PTPRD: variants seen among roughly 807,000 people sequenced by gnomAD.
PTPRD encodes protein tyrosine phosphatase receptor type D.
In PTPRD, 34 loss-of-function variants were observed where a neutral mutation model predicts 214.5. The observed-to-expected ratio is 0.16, with a 90% CI of 0.12 to 0.21. The LOEUF is 0.21. PTPRD is among the 10% of genes least tolerant of loss of function. PTPRD has a pLI of 1.00. For missense variants in PTPRD, 2,545 were observed against 2,398.7 expected (o/e 1.06, Z -1.27); for synonymous variants, 1,128 against 845.7 (o/e 1.33, Z -5.79).
chr9:9,671,834 C>A (rs1477276602), intron 7 of PTPRD, among the ~76,000 whole-genome samples: 1 of 152,142 alleles, frequency 6.6e-6, no homozygotes, highest in Non-Finnish European at 1.5e-5. Context: ...TTTTTCTTCC[C>A]AGTCTCAGGT....
At position 9,199,567 on chromosome 9, in the gene PTPRD, G is replaced by A. The variant is rs114250209; in HGVS notation, c.-202-16204C>T. On this transcript the variant is annotated intron_variant, in intron 9 of 45. Coordinates refer to ENST00000381196, the MANE Select transcript of PTPRD (RefSeq NM_002839.4). ...TGAGAACTGATAAAAGTGTTATAAA[G>A]GAAACCAAGATCAATTTAAACCTAG... 6.4e-3 allele frequency among the ~76,000 whole-genome samples: 975 copies of A among 152,066 alleles called. 11 individuals are homozygous for A. Among genetic ancestry groups the A allele is most frequent in the African/African-American group, 0.022 (906 of 41,498 alleles).
intron 5 of PTPRD, among the ~76,000 whole-genome samples, chr9:9,874,212 C>A (rs1036434801): frequency 2.0e-5 from 3 of 152,052 alleles, no homozygotes; most frequent in African/African-American, 7.2e-5. Flanking sequence ...TGGAGTGAGA[C>A]AGGAGGCCGA....
chr9:10,141,540 A>G (rs1177437505), intron 3 of PTPRD, among the ~76,000 whole-genome samples: 1 of 152,146 alleles, frequency 6.6e-6, no homozygotes, highest in African/African-American at 2.4e-5. Flanking sequence ...AATTCAACTT[A>G]CAAGGGATGT....
chr9:8,485,673 G>T, intron 28 of PTPRD, 89 bp downstream of exon 28: 1 of 1,144,240 alleles, frequency 8.7e-7, no homozygotes, highest in Non-Finnish European at 1.2e-6. Flanking sequence ...AATATGAATG[G>T]GCTGATCAGT....
chr9:9,421,685 A>G (rs534276048), intron 8 of PTPRD, among the ~76,000 whole-genome samples: 135 of 152,264 alleles, frequency 8.9e-4, no homozygotes, highest in African/African-American at 3.2e-3. Flanking sequence ...GCCAAAGGTG[A>G]AAATGATACT....
intron 14 of PTPRD, among the ~76,000 whole-genome samples, chr9:8,594,376 T>C (rs1168196563): frequency 6.6e-6 from 1 of 152,194 alleles, no homozygotes; most frequent in Non-Finnish European, 1.5e-5. Context: ...CTCCTAAGAA[T>C]CTGTAATCAT....
In PTPRD at chr9:8,496,171, AACACACACAC is replaced by A. The variant is rs566859758; in HGVS notation, c.2349+1061_2349+1070del. 3.9e-3 allele frequency among the ~76,000 whole-genome samples: 531 copies of A among 135,094 alleles called. 2 individuals carry two copies. Among genetic ancestry groups the A allele is most frequent in the Middle Eastern group, 0.019 (5 of 264 alleles). 88.6% of individuals were successfully genotyped at this position (135,094 alleles called of 152,430 possible). A position where few individuals can be genotyped will look rare whatever the true frequency, so the allele number is the denominator to read the frequency against. ...ATGTATGTTCCACCTCCAACTCTCC[AACACACACAC>A]ACACACACACACACACACACACACA... On this transcript the variant is annotated intron_variant, in intron 26 of 45. Transcript: ENST00000381196.
chr9:10,582,860 G>C (rs1229134008), intron 2 of PTPRD, among the ~76,000 whole-genome samples: 1 of 152,152 alleles, frequency 6.6e-6, no homozygotes, highest in Admixed American at 6.5e-5. Flanking sequence ...AACTACGTCA[G>C]GTGACAAAGA....
rs184912592 is a variant in PTPRD at position 8,509,039 on chromosome 9, G to A, written c.1544-1605C>T. Among the ~76,000 whole-genome samples, 12 of 152,114 alleles carry A rather than the reference G, an allele frequency of 7.9e-5. No homozygotes were observed. The East Asian group carries it at 2.3e-3, about 29-fold the overall frequency. On this transcript the variant is annotated intron_variant, in intron 21 of 45. Transcript: ENST00000381196. Reference sequence around the variant, plus strand: ...TCTTTTTAAAAATCACAGGCCTTGAGAGTCTCATTGATTTGATGCCTCTGG... The same window carrying A: ...TCTTTTTAAAAATCACAGGCCTTGAAAGTCTCATTGATTTGATGCCTCTGG...
intron 7 of PTPRD, among the ~76,000 whole-genome samples, chr9:9,652,292 C>A (rs2096381902): frequency 1.3e-5 from 2 of 152,282 alleles, no homozygotes; most frequent in East Asian, 1.9e-4. Flanking sequence ...TTCTACCTTG[C>A]CCATTCTCAC....
intron 4 of PTPRD, among the ~76,000 whole-genome samples, chr9:9,955,160 C>T (rs988333548): frequency 6.6e-6 from 1 of 152,108 alleles, no homozygotes; most frequent in East Asian, 1.9e-4. Flanking sequence ...TAAGTAAGCA[C>T]TGTCAGCAAA....
In PTPRD at chr9:9,938,593, T is replaced by A. The variant is rs770743578; in HGVS notation, c.-454A>T. The stretch of plus-strand genomic sequence containing the variant: ...TGGAATATCACGGGCCAGGAACTGC[T>A]TGCCTTTTATTTTCCACCTGGAACA... On this transcript the variant is annotated 5_prime_UTR_variant, in exon 5 of 46. In the 5' UTR this introduces an upstream ATG that the reference lacks. Coordinates refer to ENST00000381196, the MANE Select transcript of PTPRD (RefSeq NM_002839.4). 1.3e-5 allele frequency: 2 copies of A among 152,152 alleles called. No homozygotes were observed. Among genetic ancestry groups the A allele is most frequent in the Non-Finnish European group, 2.9e-5 (2 of 68,036 alleles). The allele number at this position is 152,152 out of a possible 1,614,324, so 9.4% of individuals were successfully genotyped here. A position where few individuals can be genotyped will look rare whatever the true frequency, so the allele number is the denominator to read the frequency against.
chr9:9,674,055 A>C (rs1197816850), intron 7 of PTPRD, among the ~76,000 whole-genome samples: 1 of 151,904 alleles, frequency 6.6e-6, no homozygotes, highest in Non-Finnish European at 1.5e-5. Flanking sequence ...AGAAAATAAT[A>C]CAAGAAAGAT....
At chr9:8,689,485 T>A (rs563736123) in intron 12 of PTPRD, among the ~76,000 whole-genome samples, 7 of 152,092 alleles carry the variant, frequency 4.6e-5, no homozygotes, top group African/African-American at 1.7e-4. Context: ...TGGTAGGAGG[T>A]GAAATGCACT....
chr9:9,592,854 G>T (rs977379472), intron 7 of PTPRD, among the ~76,000 whole-genome samples: 1 of 151,994 alleles, frequency 6.6e-6, no homozygotes, highest in South Asian at 2.1e-4. Flanking sequence ...AGATCAGTCT[G>T]GCCGACATGG....
chr9:8,795,642 G>A (rs1484856767), intron 11 of PTPRD, among the ~76,000 whole-genome samples: 1 of 142,082 alleles, frequency 7.0e-6, no homozygotes, highest in East Asian at 2.0e-4. Context: ...CACTATCTCA[G>A]TAATATTTTC....
intron 3 of PTPRD, among the ~76,000 whole-genome samples, chr9:10,299,129 A>T (rs2095785797): frequency 6.6e-6 from 1 of 152,164 alleles, no homozygotes; most frequent in African/African-American, 2.4e-5. Context: ...ACATTTGTAA[A>T]TGTAATATAC....
At chr9:9,281,997 A>C (rs1331501385) in intron 9 of PTPRD, among the ~76,000 whole-genome samples, 1 of 151,420 alleles carries the variant, frequency 6.6e-6, no homozygotes, top group African/African-American at 2.4e-5. Context: ...AAGTGAAAGA[A>C]GCCAATCTGA....
At chr9:9,509,637 T>G (rs1169652824) in intron 8 of PTPRD, among the ~76,000 whole-genome samples, 1 of 151,574 alleles carries the variant, frequency 6.6e-6, no homozygotes, top group East Asian at 1.9e-4. Flanking sequence ...TTGAGACTGA[T>G]CTCCCTTCTT....
Sources: allele counts gnomAD v4.1 joint callset (sites outside exome capture counted in the v4.1 genomes callset), GRCh38; gene constraint gnomAD v4.1.1; transcripts MANE v1.5; gene names NCBI Gene and HGNC (gene_info 2026-07-23, HGNC 2026-07-21).